OPCML: variants seen among roughly 807,000 people sequenced by gnomAD.
OPCML encodes opioid binding protein/cell adhesion molecule like.
In OPCML, 13 loss-of-function variants were observed where a neutral mutation model predicts 37.8. That is an observed-to-expected ratio of 0.34 (90% confidence interval 0.22 to 0.55). OPCML has a LOEUF of 0.55. Ranked by LOEUF, OPCML falls within the 20% of genes least tolerant of loss-of-function variation. OPCML has a pLI of 0.91. For synonymous variants in OPCML, 176 were observed against 168.8 expected (o/e 1.04, Z -0.33); for missense variants, 341 against 435.6 (o/e 0.78, Z 1.93).
chr11:132,779,343 A>C (rs1946917544), intron 2 of OPCML, among the ~76,000 whole-genome samples: 1 of 152,138 alleles, frequency 6.6e-6, no homozygotes, highest in African/African-American at 2.4e-5. Context: ...CAGTTTCTCT[A>C]TAATATTAGT....
chr11:132,609,291 A>G (rs1938493295), intron 3 of OPCML, among the ~76,000 whole-genome samples: 1 of 152,246 alleles, frequency 6.6e-6, no homozygotes, highest in Non-Finnish European at 1.5e-5. Context: ...GTTTAAAGAA[A>G]ATGAGAATCA....
chr11:132,522,575 G>T (rs2096296558), intron 4 of OPCML, among the ~76,000 whole-genome samples: 1 of 152,210 alleles, frequency 6.6e-6, no homozygotes, highest in African/African-American at 2.4e-5. Context: ...GTTGAGTTAG[G>T]ATTCAACACT....
At chr11:132,936,568 G>A (rs890344329) in intron 2 of OPCML, among the ~76,000 whole-genome samples, 1 of 152,102 alleles carries the variant, frequency 6.6e-6, no homozygotes, top group African/African-American at 2.4e-5. Context: ...GCTCTTGCAG[G>A]TTTTGTTCAA....
At chr11:132,878,642 CATATAG>C (rs1353444026) in intron 2 of OPCML, among the ~76,000 whole-genome samples, 1 of 152,090 alleles carries the variant, frequency 6.6e-6, no homozygotes, top group African/African-American at 2.4e-5. Flanking sequence ...AACATATGTA[CATATAG>C]ATATATATGT....
At chr11:132,653,338 C>T (rs900395467) in intron 3 of OPCML, among the ~76,000 whole-genome samples, 7 of 152,218 alleles carry the variant, frequency 4.6e-5, no homozygotes, top group Admixed American at 1.3e-4. Flanking sequence ...CACGGTCACC[C>T]TGGCTGCACT....
At chr11:133,373,448 T>TATATATATATACACAC (rs966091785) in intron 1 of OPCML, among the ~76,000 whole-genome samples, 5 of 132,156 alleles carry the variant, frequency 3.8e-5, no homozygotes, top group African/African-American at 9.4e-5. Context: ...TATATATATA[T>TATATATATATACACAC]ACACACACAC....
chr11:133,050,716 CTT>C (rs1948113501), intron 1 of OPCML, among the ~76,000 whole-genome samples: 4 of 71,070 alleles, frequency 5.6e-5, no homozygotes, highest in South Asian at 9.6e-4. Context: ...TCTTCTTCTT[CTT>C]CCTTTTTTTT....
chr11:132,716,390 T>TTATC (rs748328106), intron 2 of OPCML, among the ~76,000 whole-genome samples: 2 of 149,640 alleles, frequency 1.3e-5, no homozygotes, highest in Admixed American at 6.7e-5. Flanking sequence ...ATCTGTCTAT[T>TTATC]TATCTATCTA....
intron 4 of OPCML, among the ~76,000 whole-genome samples, chr11:132,498,322 T>A (rs2096237783): frequency 6.6e-6 from 1 of 152,190 alleles, no homozygotes; most frequent in Non-Finnish European, 1.5e-5. Context: ...TGGTCATCTG[T>A]TTTTTCTTGT....
chr11:132,482,441 C>T (rs1412039629), intron 4 of OPCML, among the ~76,000 whole-genome samples: 1 of 151,876 alleles, frequency 6.6e-6, no homozygotes. Flanking sequence ...GCTTACCAAC[C>T]AAAAAGAGTC....
At chr11:133,379,262 C>A (rs987341068) in intron 1 of OPCML, among the ~76,000 whole-genome samples, 4 of 152,224 alleles carry the variant, frequency 2.6e-5, no homozygotes, top group Non-Finnish European at 5.9e-5. Flanking sequence ...AAAATGTCCT[C>A]ACTTCTCCCT....
At chr11:133,004,864 C>G in intron 1 of OPCML, 4 of 985,422 alleles carry the variant, frequency 4.1e-6, no homozygotes, top group Non-Finnish European at 4.8e-6. Flanking sequence ...AGACAGAAAT[C>G]AACGAGCTGT....
chr11:132,570,403 G>T (rs1437132645), intron 3 of OPCML, among the ~76,000 whole-genome samples: 1 of 152,062 alleles, frequency 6.6e-6, no homozygotes, highest in Admixed American at 6.6e-5. Flanking sequence ...TGAGGGGAAA[G>T]TTTGTGAGGA....
chr11:132,633,799 T>C (rs971554518), intron 3 of OPCML, among the ~76,000 whole-genome samples: 1 of 152,106 alleles, frequency 6.6e-6, no homozygotes, highest in Non-Finnish European at 1.5e-5. Flanking sequence ...TTGGTAGAGT[T>C]TCTTTTGGGT....
chr11:132,710,299 T>C (rs1944208921), intron 2 of OPCML, among the ~76,000 whole-genome samples: 1 of 152,228 alleles, frequency 6.6e-6, no homozygotes, highest in Non-Finnish European at 1.5e-5. Context: ...TAAAATAGCA[T>C]AGTATGTCTA....
intron 3 of OPCML, among the ~76,000 whole-genome samples, chr11:132,577,864 T>C (rs1417759085): frequency 6.6e-6 from 1 of 152,180 alleles, no homozygotes; most frequent in East Asian, 1.9e-4. Context: ...TCTTAACTAT[T>C]TGATACCAAT....
At chr11:133,271,866 C>G (rs1383882228) in intron 1 of OPCML, among the ~76,000 whole-genome samples, 2 of 152,190 alleles carry the variant, frequency 1.3e-5, no homozygotes, top group African/African-American at 2.4e-5. Flanking sequence ...TTAGTATGCA[C>G]TCGGCAGGAT....
intron 1 of OPCML, among the ~76,000 whole-genome samples, chr11:133,388,786 C>T (rs1031968036): frequency 1.3e-5 from 2 of 152,110 alleles, no homozygotes; most frequent in Non-Finnish European, 2.9e-5. Flanking sequence ...GCTTTTAACC[C>T]AGGTTATGAG....
chr11:132,475,767 A>G (rs753800261), intron 4 of OPCML, among the ~76,000 whole-genome samples: 3 of 152,198 alleles, frequency 2.0e-5, no homozygotes, highest in Non-Finnish European at 4.4e-5. Flanking sequence ...CAAACTAATA[A>G]TACACCTCCT....
Sources: gnomAD v4.1 joint callset for allele counts (sites outside exome capture counted in the v4.1 genomes callset) on GRCh38, gnomAD v4.1.1 for gene constraint, MANE v1.5 for transcripts, NCBI Gene and HGNC (gene_info 2026-07-23, HGNC 2026-07-21) for gene names.